The following TENM3 variants were observed in gnomAD, a reference collection of about 807,000 sequenced individuals.
TENM3 encodes the protein teneurin transmembrane protein 3.
Under a neutral mutation model 255.1 loss-of-function variants are expected in TENM3, and 63 were observed. The observed-to-expected ratio is 0.25, with a 90% CI of 0.20 to 0.30. The LOEUF (loss-of-function observed/expected upper bound fraction) is 0.30. TENM3 is among the 10% of genes least tolerant of loss of function. The pLI, the probability that TENM3 is intolerant of heterozygous loss-of-function variation, is 1.00. For synonymous variants in TENM3, 1,306 were observed against 1,322.3 expected, an observed-to-expected ratio of 0.99 and a Z score of 0.27; for missense variants, 2,929 against 3,461.1, an observed-to-expected ratio of 0.85 and a Z score of 3.86.
At chr4:182,054,015 G>C in the TENM3 span, among the ~76,000 whole-genome samples, 6 of 152,248 alleles carry the variant, frequency 3.9e-5, no homozygotes, top group African/African-American at 1.4e-4. Context: ...GAATGATGTC[G>C]ATCGCCTGCT....
the TENM3 span, among the ~76,000 whole-genome samples, chr4:181,947,789 C>A: frequency 6.6e-6 from 1 of 152,082 alleles, no homozygotes; most frequent in South Asian, 2.1e-4. Flanking sequence ...AGTGCAGTAT[C>A]AGTGGCAAAA....
the TENM3 span, among the ~76,000 whole-genome samples, chr4:181,783,438 A>G: frequency 0.21 from 31,281 of 151,972 alleles, 3,318 homozygotes; most frequent in East Asian, 0.25. Flanking sequence ...TGCTTTGTGT[A>G]TGTAAAATTC....
chr4:182,794,588 C>T (rs1003749845), intron 26 of TENM3, among the ~76,000 whole-genome samples: 1 of 152,218 alleles, frequency 6.6e-6, no homozygotes, highest in African/African-American at 2.4e-5. Flanking sequence ...TCTTCATTGC[C>T]AGTGCAGTTC....
intron 4 of TENM3, among the ~76,000 whole-genome samples, chr4:182,624,034 G>C (rs1336478445): frequency 6.7e-6 from 1 of 149,950 alleles, no homozygotes; most frequent in Admixed American, 6.6e-5. Flanking sequence ...TGAGATGTAA[G>C]GCACAGGTTT....
chr4:182,219,356 G>T (rs945062050), intron 1 of TENM3, among the ~76,000 whole-genome samples: 1 of 152,160 alleles, frequency 6.6e-6, no homozygotes, highest in Non-Finnish European at 1.5e-5. Flanking sequence ...TCAAAACCAC[G>T]TAAGAATTAA....
chr4:182,682,038 A>G, intron 11 of TENM3, 24 bp downstream of exon 11: 2 of 1,597,464 alleles, frequency 1.3e-6, no homozygotes, highest in Admixed American at 1.7e-5. Flanking sequence ...ATGCAGTACA[A>G]TCGAGTTGCT....
At chr4:181,919,335 A>G in the TENM3 span, among the ~76,000 whole-genome samples, 3 of 150,986 alleles carry the variant, frequency 2.0e-5, no homozygotes, top group African/African-American at 4.9e-5. Context: ...AGTGAGCTAT[A>G]CAACCATCAT....
At chr4:182,029,671 A>G in the TENM3 span, among the ~76,000 whole-genome samples, 4 of 152,226 alleles carry the variant, frequency 2.6e-5, no homozygotes, top group African/African-American at 9.6e-5. Flanking sequence ...ACTGATTTAT[A>G]AAACAAACTG....
At chr4:182,336,016 G>C (rs978033934) in intron 2 of TENM3, among the ~76,000 whole-genome samples, 11 of 152,186 alleles carry the variant, frequency 7.2e-5, no homozygotes, top group Non-Finnish European at 1.5e-5. Context: ...CCTTCATTGA[G>C]CATTCATATA....
chr4:182,094,719 A>C, the TENM3 span, among the ~76,000 whole-genome samples: 1 of 152,214 alleles, frequency 6.6e-6, no homozygotes, highest in African/African-American at 2.4e-5. Context: ...AAAAGAACAA[A>C]ACAGAAACCC....
the TENM3 span, among the ~76,000 whole-genome samples, chr4:181,546,591 G>A: frequency 1.6e-4 from 22 of 141,724 alleles, 1 homozygote; most frequent in Non-Finnish European, 2.5e-4. Flanking sequence ...GCGGACGCCT[G>A]TAGTCCCAGC....
chr4:182,446,092 C>A (rs1772891273), intron 3 of TENM3, among the ~76,000 whole-genome samples: 1 of 152,174 alleles, frequency 6.6e-6, no homozygotes, highest in African/African-American at 2.4e-5. Flanking sequence ...TGGAAACCAT[C>A]CTTCACTTTT....
intron 3 of TENM3, among the ~76,000 whole-genome samples, chr4:182,534,382 G>A (rs1740076177): frequency 6.6e-6 from 1 of 152,156 alleles, no homozygotes; most frequent in Non-Finnish European, 1.5e-5. Flanking sequence ...CGGGCAGAGG[G>A]CTAGTGCTAT....
At chr4:182,247,376 C>T (rs371320034) in intron 1 of TENM3, among the ~76,000 whole-genome samples, 1 of 152,122 alleles carries the variant, frequency 6.6e-6, no homozygotes, top group South Asian at 2.1e-4. Flanking sequence ...CTACTGGAAG[C>T]ATTACACAGA....
At chr4:181,619,997 A>C in the TENM3 span, among the ~76,000 whole-genome samples, 1 of 152,160 alleles carries the variant, frequency 6.6e-6, no homozygotes, top group African/African-American at 2.4e-5. Flanking sequence ...CTCATTTAAA[A>C]TATGCTCTTC....
chr4:182,546,492 G>A (rs6812287), intron 3 of TENM3, among the ~76,000 whole-genome samples: 39,214 of 151,830 alleles, frequency 0.26, 6,181 homozygotes, highest in South Asian at 0.36. Context: ...ACTGGAGTTT[G>A]TGGCACAATT....
the TENM3 span, among the ~76,000 whole-genome samples, chr4:181,854,901 A>G: frequency 1.3e-5 from 2 of 152,198 alleles, no homozygotes; most frequent in Non-Finnish European, 2.9e-5. Flanking sequence ...CGCGTTAGCT[A>G]GCATAAGGGT....
the TENM3 span, among the ~76,000 whole-genome samples, chr4:182,006,319 A>G: frequency 3.9e-5 from 6 of 151,960 alleles, no homozygotes; most frequent in South Asian, 8.3e-4. Context: ...TCCTTTTTGT[A>G]TTTTCTGGTG....
At chr4:181,455,652 T>C in the TENM3 span, among the ~76,000 whole-genome samples, 1 of 152,032 alleles carries the variant, frequency 6.6e-6, no homozygotes, top group Non-Finnish European at 1.5e-5. Flanking sequence ...TAAGTAATAT[T>C]GGTGCTAATC....
Sources: gnomAD v4.1 joint callset for allele counts (sites outside exome capture counted in the v4.1 genomes callset) on GRCh38, gnomAD v4.1.1 for gene constraint, MANE v1.5 for transcripts, NCBI Gene and HGNC (gene_info 2026-07-23, HGNC 2026-07-21) for gene names.